MMP15: variants seen among roughly 807,000 people sequenced by gnomAD.
MMP15 encodes the protein matrix metallopeptidase 15, also known as matrix metalloproteinase-15.
A neutral mutation model predicts 65.0 loss-of-function variants in MMP15; 36 were observed. That is an observed-to-expected ratio of 0.55 (90% confidence interval 0.42 to 0.73). The LOEUF (loss-of-function observed/expected upper bound fraction) is 0.73, where lower values mean the gene tolerates loss of function less well. Among genes scored for constraint, MMP15 ranks in the 30% least tolerant of loss-of-function variants. The pLI, the probability that MMP15 is intolerant of heterozygous loss-of-function variation, is 0.00. For synonymous variants in MMP15, 428 were observed against 410.2 expected, an observed-to-expected ratio of 1.04 and a Z score of -0.52; for missense variants, 870 against 987.8, an observed-to-expected ratio of 0.88 and a Z score of 1.60.
intron 1 of MMP15, among the ~76,000 whole-genome samples, chr16:58,028,618 T>C (rs530394378): frequency 2.0e-5 from 3 of 152,260 alleles, no homozygotes; most frequent in African/African-American, 7.2e-5. Context: ...GAAGGCTGGC[T>C]CTCTCATCCT....
intron 6 of MMP15, 86 bp downstream of exon 6, chr16:58,041,956 G>T: frequency 6.9e-7 from 1 of 1,449,860 alleles, no homozygotes; most frequent in Non-Finnish European, 9.2e-7. Flanking sequence ...AGCAGGCCCC[G>T]GGGAGCCATT....
intron 3 of MMP15, among the ~76,000 whole-genome samples, chr16:58,038,745 C>G (rs1172960249): frequency 6.6e-6 from 1 of 152,212 alleles, no homozygotes; most frequent in Non-Finnish European, 1.5e-5. Flanking sequence ...CTGCAGAATC[C>G]TTGGATCAGG....
chr16:58,035,164 A>G (rs1959305513), intron 1 of MMP15, among the ~76,000 whole-genome samples: 1 of 152,204 alleles, frequency 6.6e-6, no homozygotes, highest in African/African-American at 2.4e-5. Flanking sequence ...ACCTTCAGGG[A>G]AACTGTCCTT....
At position 58,045,022 on chromosome 16, in the gene MMP15, A is replaced by G. The variant is rs1959525566; in HGVS notation, c.1586A>G (p.Tyr529Cys). Residue 529 changes from tyrosine (Y) to cysteine (C), a missense_variant, in exon 10 of 10, where the codon TAC (tyrosine) becomes TGC (cysteine). Physicochemically the swap from Tyr to Cys is radical, Grantham distance 194 (BLOSUM62 -2). Transcript: ENST00000219271. ...GCCCCTGCAGCCTACACCTACTTCT[A>G]CAAGGGCACCAAATACTGGAAATTC... Reference protein sequence around the residue: ...LSNDAAYTYFYKGTKYWKFDN... With the variant: ...LSNDAAYTYFCKGTKYWKFDN... 2 of 1,613,278 alleles carry G rather than the reference A, an allele frequency of 1.2e-6. No homozygotes were observed. The highest frequency in any genetic ancestry group is 2.2e-5 in the East Asian group (1 of 44,892).
At position 58,026,424 on chromosome 16, in the gene MMP15, C is replaced by T; in HGVS notation, c.74C>T (p.Ala25Val). The T allele has an allele frequency of 6.9e-7, 1 of 1,444,470 alleles. No individual in the cohort carries two copies. The highest frequency in any genetic ancestry group is 1.4e-5 in the South Asian group (1 of 72,562). The allele number at this position is 1,444,470 out of a possible 1,614,324, so 89.5% of individuals were successfully genotyped here. A position where few individuals can be genotyped will look rare whatever the true frequency, so the allele number is the denominator to read the frequency against. ...CTCCTCGGCGACCGGGAGGAGGCGGCGCGGCCGCGACTGCTGCCGCTGCTC... is the reference window on the plus strand; with the variant it reads ...CTCCTCGGCGACCGGGAGGAGGCGGTGCGGCCGCGACTGCTGCCGCTGCTC... ...GSLLGDREEA[A>V]RPRLLPLLLV... The change falls in exon 1 of 10, where the codon GCG (alanine) becomes GTG (valine). Residue 25 changes from alanine to valine, a missense_variant. By Grantham distance (64) the Ala-to-Val change is moderately conservative. Transcript: ENST00000219271.
At chr16:58,042,858 CTG>C (rs2142331324) in intron 7 of MMP15, among the ~76,000 whole-genome samples, 1 of 152,300 alleles carries the variant, frequency 6.6e-6, no homozygotes, top group Non-Finnish European at 1.5e-5. Context: ...GGGCCACACA[CTG>C]TGAGGGCTGC....
intron 3 of MMP15, 46 bp from the exon 4 acceptor site, chr16:58,039,829 G>T: frequency 1.3e-6 from 2 of 1,545,630 alleles, no homozygotes; most frequent in Non-Finnish European, 1.8e-6. Context: ...GAGGATAGTA[G>T]GCCCTTGGCC....
rs772017400 is a variant in MMP15 at position 58,038,360 on chromosome 16, G to C, written c.406G>C (p.Gly136Arg). The C allele has an allele frequency of 6.2e-7, 1 of 1,614,042 alleles. No homozygotes were observed. The highest frequency in any genetic ancestry group is 1.1e-5 in the South Asian group (1 of 91,078). The change falls in exon 3 of 10, where the codon GGG becomes CGG. Residue 136 changes from glycine to arginine, a missense_variant. Coordinates refer to ENST00000219271, the MANE Select transcript of MMP15 (RefSeq NM_002428.4). Reference protein sequence around the residue: ...RRRRKRYALTGRKWNNHHLTF... With the variant: ...RRRRKRYALTRRKWNNHHLTF... The stretch of plus-strand genomic sequence containing the variant: ...GCGTCGGAAGCGCTACGCCCTCACC[G>C]GGAGGAAGTGGAACAACCACCATCT...
rs1030622884 is a variant in MMP15, at chr16:58,045,251, C to T, written c.1815C>T (p.Val605=). ...GDGDGDFGAG[V]NKDGGSRVVV... Reference sequence around the variant, plus strand: ...GGGATGGGGACTTTGGGGCCGGGGTCAACAAGGACGGGGGCAGCCGCGTGG... The same window carrying T: ...GGGATGGGGACTTTGGGGCCGGGGTTAACAAGGACGGGGGCAGCCGCGTGG... The change falls in exon 10 of 10, where the codon GTC becomes GTT. Residue 605 remains valine, a synonymous_variant. Coordinates refer to ENST00000219271, the MANE Select transcript of MMP15 (RefSeq NM_002428.4). 2 of 1,607,610 alleles carry T rather than the reference C, an allele frequency of 1.2e-6. No homozygotes were observed. The highest frequency in any genetic ancestry group is 1.3e-5 in the African/African-American group (1 of 74,866).
chr16:58,041,500 T>A, intron 5 of MMP15, 117 bp from the exon 6 acceptor site: 1 of 1,118,766 alleles, frequency 8.9e-7, no homozygotes, highest in Non-Finnish European at 1.3e-6. Context: ...GGGAGGGGTC[T>A]GCTGTAGATG....
Position 58,046,671 on chromosome 16 carries a change from G to A in MMP15, c.*1225G>A, listed in dbSNP as rs1959573437. ...GCTGGCTCTACTTCCCCATGGCCCT[G>A]AGCGAGTGGAGTCTGCCACCCAGGA... On this transcript the variant is annotated 3_prime_UTR_variant, in exon 10 of 10. Coordinates refer to ENST00000219271, the MANE Select transcript of MMP15 (RefSeq NM_002428.4). 1 of 152,692 alleles carries A rather than the reference G, an allele frequency of 6.5e-6. No individual in the cohort carries two copies. Among genetic ancestry groups the A allele is most frequent in the Admixed American group, 6.5e-5 (1 of 15,284 alleles). The allele number at this position is 152,692 out of a possible 1,614,324, so 9.5% of individuals were successfully genotyped here. A position where few individuals can be genotyped will look rare whatever the true frequency, so the allele number is the denominator to read the frequency against.
In MMP15 at chr16:58,040,664, C is replaced by T. The variant is rs763785991; in HGVS notation, c.876C>T (p.Pro292=). ...QWKDVDNFKL[P]EDDLRGIQQL... Reference sequence around the variant, plus strand: ...AGGACGTTGACAACTTCAAGCTGCCCGAGGACGATCTCCGTGGCATCCAGC... The same window carrying T: ...AGGACGTTGACAACTTCAAGCTGCCTGAGGACGATCTCCGTGGCATCCAGC... The change falls in exon 5 of 10, where the codon CCC becomes CCT. Residue 292 remains proline, a synonymous_variant. Transcript: ENST00000219271. The T allele has an allele frequency of 1.2e-5, 19 of 1,614,204 alleles. No homozygotes were observed. The highest frequency in any genetic ancestry group is 5.0e-5 in the Admixed American group (3 of 60,034).
rs754219207 is a variant in MMP15, at chr16:58,045,519, G to A, written c.*73G>A. On this transcript the variant is annotated 3_prime_UTR_variant, in exon 10 of 10. Coordinates refer to ENST00000219271, the MANE Select transcript of MMP15 (RefSeq NM_002428.4). ...GAGATGGCTCCCAGGGGCTCCCTCC[G>A]CCCCCAGGTAGGGGCCCCTCTCAGC... 295 of 1,361,316 alleles carry A rather than the reference G, an allele frequency of 2.2e-4. No homozygotes were observed. Among genetic ancestry groups the A allele is most frequent in the Non-Finnish European group, 2.7e-4 (280 of 1,027,600 alleles). 84.3% of individuals were successfully genotyped at this position (1,361,316 alleles called of 1,614,324 possible). A position where few individuals can be genotyped will look rare whatever the true frequency, so the allele number is the denominator to read the frequency against.
At chr16:58,035,407 G>A (rs1192936622) in intron 1 of MMP15, among the ~76,000 whole-genome samples, 1 of 152,218 alleles carries the variant, frequency 6.6e-6, no homozygotes. Context: ...GTCTTGGGAA[G>A]TCCAGACCCA....
chr16:58,026,188 GC>G lies in MMP15; in HGVS notation c.-162del. On this transcript the variant is annotated 5_prime_UTR_variant, in exon 1 of 10. Coordinates refer to ENST00000219271, the MANE Select transcript of MMP15 (RefSeq NM_002428.4). ...ACCTGCCCTGCCCGCTTCTCCTCGG[GC>G]TTGGGAATTTGCCGAGGCGACCTAG... 1.4e-6 allele frequency: 1 copy of G among 733,070 alleles called. No homozygotes were observed. Among genetic ancestry groups the G allele is most frequent in the Non-Finnish European group, 1.9e-6 (1 of 534,140 alleles). The allele number at this position is 733,070 out of a possible 1,614,324, so 45.4% of individuals were successfully genotyped here.
At position 58,026,393 on chromosome 16, in the gene MMP15, G is replaced by A; in HGVS notation, c.43G>A (p.Gly15Ser). ...CGCGCCCGGACGGCCGGGCTGGACG[G>A]GCAGCCTCCTCGGCGACCGGGAGGA... ...PSAPGRPGWT[G>S]SLLGDREEAA... is the part of the protein sequence containing the mutation. The change falls in exon 1 of 10, where the codon GGC becomes AGC. Residue 15 changes from glycine to serine, a missense_variant. Coordinates refer to ENST00000219271, the MANE Select transcript of MMP15 (RefSeq NM_002428.4). 7.1e-7 allele frequency: 1 copy of A among 1,410,604 alleles called. No individual in the cohort carries two copies. The highest frequency in any genetic ancestry group is 1.5e-5 in the South Asian group (1 of 65,864). The allele number at this position is 1,410,604 out of a possible 1,614,324, so 87.4% of individuals were successfully genotyped here. A position where few individuals can be genotyped will look rare whatever the true frequency, so the allele number is the denominator to read the frequency against.
intron 1 of MMP15, among the ~76,000 whole-genome samples, chr16:58,030,658 T>G (rs1037341063): frequency 6.6e-6 from 1 of 152,124 alleles, no homozygotes; most frequent in Non-Finnish European, 1.5e-5. Flanking sequence ...GTCCTTCCCC[T>G]AGGAGTGACT....
Position 58,045,215 on chromosome 16 carries a change from CGTGGGGG to C in MMP15, c.1780_1786del (p.Val594MetfsTer29). 1 of 1,596,792 alleles carries C rather than the reference CGTGGGGG, an allele frequency of 6.3e-7. No homozygotes were observed. Among genetic ancestry groups the C allele is most frequent in the Non-Finnish European group, 8.5e-7 (1 of 1,172,854 alleles). On this transcript the variant is annotated frameshift_variant, in exon 10 of 10. Coordinates refer to ENST00000219271, the MANE Select transcript of MMP15 (RefSeq NM_002428.4). LOFTEE classifies it high-confidence loss of function. The stretch of plus-strand genomic sequence containing the variant: ...CCGGGGCGGACAGCGCAGAGGGCGA[CGTGGGGG>C]ATGGGGATGGGGACTTTGGGGCCGG...
Position 58,039,914 on chromosome 16 carries a change from G to C in MMP15, c.480G>C (p.Ser160=), listed in dbSNP as rs375307074. Residue 160 remains serine (S), a synonymous_variant, in exon 4 of 10, where the codon TCG becomes TCC. Coordinates refer to ENST00000219271, the MANE Select transcript of MMP15 (RefSeq NM_002428.4). ...CGGAGAAGTTGGGCTGGTACCACTCGATGGAGGCGGTGCGCAGGGCCTTCC... is the reference window on the plus strand; with the variant it reads ...CGGAGAAGTTGGGCTGGTACCACTCCATGGAGGCGGTGCGCAGGGCCTTCC... ...NYTEKLGWYH[S]MEAVRRAFRV... 1.9e-6 allele frequency: 3 copies of C among 1,609,700 alleles called. No homozygotes were observed. The highest frequency in any genetic ancestry group is 2.5e-6 in the Non-Finnish European group (3 of 1,176,772).
Sources: gnomAD v4.1 joint callset for allele counts (sites outside exome capture counted in the v4.1 genomes callset) on GRCh38, gnomAD v4.1.1 for gene constraint, MANE v1.5 for transcripts, NCBI Gene and HGNC (gene_info 2026-07-23, HGNC 2026-07-21) for gene names.